Variants in MFAP3L observed in about 807,000 individuals in gnomAD.
MFAP3L encodes the protein microfibrillar-associated protein 3-like.
MFAP3L carries 5 observed loss-of-function variants against 20.0 expected under a neutral mutation model. The observed-to-expected ratio is 0.25, with a 90% CI of 0.13 to 0.53. The LOEUF (loss-of-function observed/expected upper bound fraction) is 0.53, where lower values mean the gene tolerates loss of function less well. Among genes scored for constraint, MFAP3L ranks in the 20% least tolerant of loss-of-function variants. The probability of loss-of-function intolerance (pLI) is 0.96; values close to 1 mark genes in which losing one functional copy is unlikely to be tolerated. For synonymous variants in MFAP3L, 219 were observed against 213.0 expected (o/e 1.03, Z -0.25); for missense variants, 409 against 527.5 (o/e 0.78, Z 2.20).
intron 1 of MFAP3L, among the ~76,000 whole-genome samples, chr4:170,008,610 C>G (rs1411575557): frequency 1.3e-5 from 2 of 152,096 alleles, no homozygotes; most frequent in Non-Finnish European, 2.9e-5. Flanking sequence ...GAAGGAGGGG[C>G]ACCGAACAGC....
chr4:169,993,121 G>A (rs1284442172), intron 2 of MFAP3L, among the ~76,000 whole-genome samples: 3 of 152,118 alleles, frequency 2.0e-5, no homozygotes, highest in African/African-American at 7.2e-5. Context: ...ATCTAGCATC[G>A]CCTCAGGAAT....
chr4:170,017,144 TC>T (rs1352951475), intron 1 of MFAP3L, among the ~76,000 whole-genome samples: 1 of 152,204 alleles, frequency 6.6e-6, no homozygotes, highest in African/African-American at 2.4e-5. Context: ...AAAGATGCAC[TC>T]AATAACTGGA....
chr4:170,026,702 C>G (rs942011412), upstream of MFAP3L, among the ~76,000 whole-genome samples: 1 of 152,198 alleles, frequency 6.6e-6, no homozygotes, highest in South Asian at 2.1e-4. Flanking sequence ...CGCGGCAGCG[C>G]GGGACTCTCA....
chr4:169,994,596 AT>A, intron 2 of MFAP3L: 1 of 945,944 alleles, frequency 1.1e-6, no homozygotes, highest in Non-Finnish European at 1.3e-6. Flanking sequence ...ATTGATATGT[AT>A]TTCTCTAATC....
At chr4:170,017,284 G>T (rs940151158) in intron 1 of MFAP3L, among the ~76,000 whole-genome samples, 20 of 152,116 alleles carry the variant, frequency 1.3e-4, no homozygotes, top group African/African-American at 4.6e-4. Flanking sequence ...CTAAGAACTG[G>T]ATCTCGGTGA....
At position 169,991,049 on chromosome 4, in the gene MFAP3L, A is replaced by C; in HGVS notation, c.*329T>G. 3.3e-6 allele frequency: 1 copy of C among 306,448 alleles called. No individual in the cohort carries two copies. The highest frequency in any genetic ancestry group is 8.6e-5 in the South Asian group (1 of 11,648). The allele number at this position is 306,448 out of a possible 1,614,324, so 19.0% of individuals were successfully genotyped here. ...AGGGGGCACTGGACAGGGTTCTTGA[A>C]CTCAGAATATCTTACAGTGGTGTAC... On this transcript the variant is annotated 3_prime_UTR_variant, in exon 3 of 3. Coordinates refer to ENST00000361618, the MANE Select transcript of MFAP3L (RefSeq NM_021647.8). The surrounding 1 kb of genome is among the most constrained non-coding windows in gnomAD (Gnocchi z 4.9).
rs779194317 is a variant in MFAP3L at position 169,991,695 on chromosome 4, C to T, written c.913G>A (p.Ala305Thr). The change falls in exon 3 of 3, where the codon GCC (alanine) becomes ACC (threonine). Residue 305 changes from alanine to threonine, a missense_variant. Around this residue, in one of 3 missense-constraint regions of MFAP3L, gnomAD observed 169 missense variants for 178.2 expected, o/e 0.95. Coordinates refer to ENST00000361618, the MANE Select transcript of MFAP3L (RefSeq NM_021647.8). The surrounding 1 kb of genome is among the most constrained non-coding windows in gnomAD (Gnocchi z 4.9). ...RSDSPAADSD[A>T]SSLHEQPQQI... ...TGAGGTTGCTCGTGCAGCGATGAGGCGTCCGAGTCAGCGGCAGGGGAGTCG... is the reference window on the plus strand; with the variant it reads ...TGAGGTTGCTCGTGCAGCGATGAGGTGTCCGAGTCAGCGGCAGGGGAGTCG... The T allele has an allele frequency of 2.2e-5, 36 of 1,614,036 alleles. No homozygotes were observed. Among genetic ancestry groups the T allele is most frequent in the African/African-American group, 2.7e-5 (2 of 74,908 alleles).
At position 169,992,339 on chromosome 4, in the gene MFAP3L, C is replaced by T; in HGVS notation, c.299-30G>A. The stretch of plus-strand genomic sequence containing the variant: ...CGGAAGGGAGAGAAGAGAATTCAAC[C>T]AAGGACACAGAGCTCCCATGACTAC... On this transcript the variant is annotated intron_variant, in intron 2 of 2. Transcript: ENST00000361618. This position sits in a 1 kb window ranked among gnomAD's most constrained non-coding sequence, Gnocchi z 4.3. The T allele has an allele frequency of 1.3e-6, 2 of 1,557,364 alleles. No individual in the cohort carries two copies. The highest frequency in any genetic ancestry group is 4.5e-5 in the East Asian group (2 of 44,466).
chr4:170,020,719 AGTTCCCCACGGCACCACCTCCAGCCAC>A (rs1739983810), intron 1 of MFAP3L, among the ~76,000 whole-genome samples: 1 of 150,548 alleles, frequency 6.6e-6, no homozygotes, highest in Admixed American at 6.7e-5. Context: ...AACTCCCAGT[AGTTCCCCACGGCACCACCTCCAGCCAC>A]GTTCCCTTCC....
chr4:170,022,261 G>A (rs1021127702), intron 1 of MFAP3L, among the ~76,000 whole-genome samples: 1 of 152,136 alleles, frequency 6.6e-6, no homozygotes, highest in Non-Finnish European at 1.5e-5. Flanking sequence ...GACCTCTACT[G>A]GCCACTGACC....
In MFAP3L at chr4:170,011,936, C is replaced by A. The variant is rs564074472; in HGVS notation, c.-133-5926G>T. The stretch of plus-strand genomic sequence containing the variant: ...TATTGAAAGAAACGATTACAGAGAA[C>A]CTGGGGAAATGTCTGTAATTAGGCA... On this transcript the variant is annotated intron_variant, in intron 1 of 2. Coordinates refer to ENST00000361618, the MANE Select transcript of MFAP3L (RefSeq NM_021647.8). Among the ~76,000 whole-genome samples the A allele has an allele frequency of 2.0e-5, 3 of 152,234 alleles. No individual in the cohort carries two copies. The South Asian group carries it at 6.2e-4, about 32-fold the overall frequency.
In MFAP3L at chr4:170,007,716, C is replaced by T. The variant is rs191570215; in HGVS notation, c.-133-1706G>A. ...TTCAGCACTGGGTCCTTTGCAGGGG[C>T]TCAAGTCTGAGAATGCATGAGCTGC... On this transcript the variant is annotated intron_variant, in intron 1 of 2. Transcript: ENST00000361618. Among the ~76,000 whole-genome samples the T allele has an allele frequency of 2.7e-3, 407 of 152,208 alleles. 2 individuals are homozygous for T. Among genetic ancestry groups the T allele is most frequent in the African/African-American group, 7.9e-3 (326 of 41,508 alleles).
chr4:170,015,855 C>T (rs570920720), intron 1 of MFAP3L, among the ~76,000 whole-genome samples: 1 of 152,274 alleles, frequency 6.6e-6, no homozygotes, highest in South Asian at 2.1e-4. Context: ...AGCCATGCCA[C>T]GGACCCAACC....
intron 1 of MFAP3L, among the ~76,000 whole-genome samples, chr4:170,024,276 ATACTTAGGATTTG>A (rs1308600488): frequency 6.6e-6 from 1 of 152,202 alleles, no homozygotes; most frequent in Non-Finnish European, 1.5e-5. Flanking sequence ...CACTGAGAAA[ATACTTAGGATTTG>A]TACTTAGGAT....
At chr4:170,000,804 C>T (rs1339700665) in intron 2 of MFAP3L, among the ~76,000 whole-genome samples, 1 of 152,136 alleles carries the variant, frequency 6.6e-6, no homozygotes, top group East Asian at 1.9e-4. Flanking sequence ...CTCACTGCAG[C>T]CTCAAACTCC....
chr4:169,987,754 CAATA>C lies in MFAP3L; in HGVS notation c.*3620_*3623del, dbSNP rs557234056. On this transcript the variant is annotated 3_prime_UTR_variant, in exon 3 of 3. Coordinates refer to ENST00000361618, the MANE Select transcript of MFAP3L (RefSeq NM_021647.8). ...AAGAGCTGAGCAGATCCTAGATCAC[CAATA>C]AATAAAGATCCAAGCATGAGACTTG... 1 of 152,074 alleles carries C rather than the reference CAATA, an allele frequency of 6.6e-6. No individual in the cohort carries two copies. The highest frequency in any genetic ancestry group is 6.5e-5 in the Admixed American group (1 of 15,270). 9.4% of individuals were successfully genotyped at this position (152,074 alleles called of 1,614,324 possible).
In MFAP3L at chr4:170,020,742, G is replaced by A. The variant is rs376086394; in HGVS notation, c.-134+5492C>T. Among the ~76,000 whole-genome samples, 5 of 151,408 alleles carry A rather than the reference G, an allele frequency of 3.3e-5. No individual in the cohort carries two copies. In the East Asian group the frequency reaches 9.7e-4, roughly 29 times the overall value. ...GTAGTTCCCCACGGCACCACCTCCA[G>A]CCACGTTCCCTTCCTTACCTTGCAC... On this transcript the variant is annotated intron_variant, in intron 1 of 2. Coordinates refer to ENST00000361618, the MANE Select transcript of MFAP3L (RefSeq NM_021647.8).
chr4:169,999,875 C>T (rs1173115266), intron 2 of MFAP3L, among the ~76,000 whole-genome samples: 1 of 152,200 alleles, frequency 6.6e-6, no homozygotes, highest in Non-Finnish European at 1.5e-5. Flanking sequence ...AACTCGGGTA[C>T]TACTGACATT....
intron 2 of MFAP3L, chr4:170,003,852 C>T (rs1012961525): frequency 1.0e-6 from 1 of 985,480 alleles, no homozygotes; most frequent in Non-Finnish European, 1.2e-6. Flanking sequence ...GACATCACTG[C>T]CTTCTGACTT....
Sources: allele counts gnomAD v4.1 joint callset (sites outside exome capture counted in the v4.1 genomes callset), GRCh38; gene constraint gnomAD v4.1.1; regional missense constraint gnomAD v4.1.1; non-coding constraint Gnocchi (gnomAD v3.1); transcripts MANE v1.5; gene names NCBI Gene and HGNC (gene_info 2026-07-23, HGNC 2026-07-21).